The following MCM5 variants were observed in gnomAD, a reference collection of about 807,000 sequenced individuals.
MCM5 encodes the protein DNA replication licensing factor MCM5.
A neutral mutation model predicts 79.9 loss-of-function variants in MCM5; 46 were observed. The ratio of observed to expected loss-of-function variants is 0.58; its 90% CI spans 0.45 to 0.74. The LOEUF is 0.74. MCM5 is among the 30% of genes least tolerant of loss of function. The pLI, the probability that MCM5 is intolerant of heterozygous loss-of-function variation, is 0.00. For synonymous variants in MCM5, 404 were observed against 390.5 expected, an observed-to-expected ratio of 1.03 and a Z score of -0.41; for missense variants, 883 against 1,017.0, an observed-to-expected ratio of 0.87 and a Z score of 1.79.
the MCM5 span, among the ~76,000 whole-genome samples, chr22:35,453,445 CAG>C: frequency 4.0e-5 from 6 of 149,896 alleles, no homozygotes; most frequent in East Asian, 2.0e-4. Flanking sequence ...GAGACAGGGA[CAG>C]AGAGATAGAA....
downstream of MCM5, among the ~76,000 whole-genome samples, chr22:35,427,387 G>A (rs1932784857): frequency 6.6e-6 from 1 of 152,148 alleles, no homozygotes; most frequent in Admixed American, 6.5e-5. Flanking sequence ...AAATGCGAAA[G>A]TTAAGCATTC....
chr22:35,406,995 G>C (rs4645761), intron 5 of MCM5, among the ~76,000 whole-genome samples: 272 of 152,334 alleles, frequency 1.8e-3, no homozygotes, highest in Admixed American at 3.5e-3. Context: ...AAGCAGTCCA[G>C]GGTAATGAGT....
In MCM5 at chr22:35,416,814, G is replaced by A. The variant is rs764793759; in HGVS notation, c.1590G>A (p.Val530=). 1 of 1,613,484 alleles carries A rather than the reference G, an allele frequency of 6.2e-7. No individual in the cohort carries two copies. Among genetic ancestry groups the A allele is most frequent in the Non-Finnish European group, 8.5e-7 (1 of 1,179,918 alleles). Residue 530 remains valine (V), a splice_region_variant and synonymous_variant, in exon 12 of 17, where the codon GTG becomes GTA. Transcript: ENST00000216122. ...VKDEHNEERD[V]MLAKHVITLH... ...ATGAGCACAATGAGGAGAGGGATGT[G>A]GTACGTCCAGGGGCAGGGCTGGTGG...
At chr22:35,408,613 G>T (rs1255569274) in intron 6 of MCM5, 50 bp downstream of exon 6, 2 of 1,578,032 alleles carry the variant, frequency 1.3e-6, no homozygotes. Context: ...GGATGTCCCA[G>T]CTGTGGCCCT....
At chr22:35,430,503 T>TTA in the MCM5 span, among the ~76,000 whole-genome samples, 1 of 25,902 alleles carries the variant, frequency 3.9e-5, no homozygotes, top group Non-Finnish European at 3.2e-4. Context: ...CAGTGGGGAC[T>TTA]TTTTTTTTTT....
chr22:35,412,593 A>T lies in MCM5; in HGVS notation c.1003A>T (p.Ile335Phe). The T allele has an allele frequency of 6.3e-7, 1 of 1,589,450 alleles. No homozygotes were observed. Among genetic ancestry groups the T allele is most frequent in the Non-Finnish European group, 8.6e-7 (1 of 1,166,134 alleles). Residue 335 changes from isoleucine to phenylalanine, a missense_variant, in exon 8 of 17, where the codon ATC (isoleucine) becomes TTC (phenylalanine). Ile to Phe is a conservative substitution (Grantham distance 21). This residue lies in a region of MCM5 where 455 missense variants were observed against 517.5 expected (regional missense o/e 0.88). Transcript: ENST00000216122. Reference sequence around the variant, plus strand: ...TGCCCTCCCAAATGTCTATGAGGTCATCTCCAAGAGCATCGCCCCCTCCAT... The same window carrying T: ...TGCCCTCCCAAATGTCTATGAGGTCTTCTCCAAGAGCATCGCCCCCTCCAT... ...LAALPNVYEVISKSIAPSIFG... is the reference protein window; with the variant it reads ...LAALPNVYEVFSKSIAPSIFG...
the MCM5 span, among the ~76,000 whole-genome samples, chr22:35,440,062 C>T: frequency 3.9e-5 from 6 of 152,242 alleles, no homozygotes; most frequent in East Asian, 1.9e-4. Flanking sequence ...CCATTTCTCT[C>T]GTCCAAATTC....
intron 5 of MCM5, among the ~76,000 whole-genome samples, chr22:35,407,030 C>G (rs942969744): frequency 6.6e-6 from 1 of 152,178 alleles, no homozygotes; most frequent in Non-Finnish European, 1.5e-5. Flanking sequence ...CTGAAGCAAA[C>G]TATGGTTTGC....
At chr22:35,454,295 A>G in the MCM5 span, among the ~76,000 whole-genome samples, 1 of 152,162 alleles carries the variant, frequency 6.6e-6, no homozygotes, top group East Asian at 1.9e-4. Context: ...CTGATGGGTA[A>G]ATATTTACAC....
At chr22:35,420,171 C>T (rs889674249) in intron 14 of MCM5, among the ~76,000 whole-genome samples, 159 bp downstream of exon 14, 7 of 152,208 alleles carry the variant, frequency 4.6e-5, no homozygotes, top group African/African-American at 1.7e-4. Flanking sequence ...ACTATGGCCT[C>T]CTTGATCTCA....
chr22:35,446,166 C>G, the MCM5 span, among the ~76,000 whole-genome samples: 3 of 152,208 alleles, frequency 2.0e-5, no homozygotes, highest in African/African-American at 4.8e-5. Flanking sequence ...GGATGAGGCT[C>G]TGTGTGTTCT....
chr22:35,448,820 C>A, the MCM5 span, among the ~76,000 whole-genome samples: 10 of 152,326 alleles, frequency 6.6e-5, no homozygotes, highest in Admixed American at 2.0e-4. Context: ...CTAGACCGGG[C>A]TTAGCTCCAG....
At chr22:35,448,970 T>C in the MCM5 span, among the ~76,000 whole-genome samples, 2 of 152,168 alleles carry the variant, frequency 1.3e-5, no homozygotes, top group African/African-American at 2.4e-5. Context: ...CCACATTCCA[T>C]TGGCCAAAGC....
chr22:35,428,909 C>T (rs983379717), downstream of MCM5, among the ~76,000 whole-genome samples: 10 of 150,514 alleles, frequency 6.6e-5, no homozygotes, highest in African/African-American at 2.2e-4. Flanking sequence ...CCTACTGCCT[C>T]GACCTCCCAA....
At chr22:35,440,434 T>G in the MCM5 span, among the ~76,000 whole-genome samples, 9 of 152,144 alleles carry the variant, frequency 5.9e-5, no homozygotes, top group East Asian at 1.3e-3. Context: ...TCTGGGGTTC[T>G]AGGGAGTATG....
chr22:35,428,082 G>A (rs1403578788), downstream of MCM5, among the ~76,000 whole-genome samples: 3 of 149,422 alleles, frequency 2.0e-5, no homozygotes, highest in African/African-American at 5.0e-5. Flanking sequence ...GTGCATTGGC[G>A]CGATCTCGGC....
At position 35,424,242 on chromosome 22, in the gene MCM5, A is replaced by ACCGCCTCAAGTGAGTCGCG. The variant is rs1310868542; in HGVS notation, c.2201_*14dup. 6.5e-7 allele frequency: 1 copy of ACCGCCTCAAGTGAGTCGCG among 1,548,050 alleles called. No homozygotes were observed. The highest frequency in any genetic ancestry group is 8.7e-7 in the Non-Finnish European group (1 of 1,145,420). ...CATCGCATGCAGCGCAAGGTTCTCT[A>ACCGCCTCAAGTGAGTCGCG]CCGCCTCAAGTGAGTCGCGCCGCCT... On this transcript the variant is annotated stop_gained and frameshift_variant, in exon 17 of 17. Transcript: ENST00000216122. LOFTEE classifies it high-confidence loss of function.
At chr22:35,438,349 A>T in the MCM5 span, among the ~76,000 whole-genome samples, 1 of 137,890 alleles carries the variant, frequency 7.3e-6, no homozygotes. Flanking sequence ...CCATCCATCC[A>T]CTCACCCACC....
chr22:35,405,610 G>A (rs1932189719), intron 4 of MCM5, among the ~76,000 whole-genome samples: 1 of 151,982 alleles, frequency 6.6e-6, no homozygotes, highest in Non-Finnish European at 1.5e-5. Context: ...CAAGTGATCC[G>A]TCCGCCTCGG....
Sources: allele counts gnomAD v4.1 joint callset (sites outside exome capture counted in the v4.1 genomes callset), GRCh38; gene constraint gnomAD v4.1.1; regional missense constraint gnomAD v4.1.1; transcripts MANE v1.5; gene names NCBI Gene and HGNC (gene_info 2026-07-23, HGNC 2026-07-21).